The following KLHL29 variants were observed in gnomAD, a reference collection of about 807,000 sequenced individuals.
KLHL29 encodes kelch-like protein 29.
Under a neutral mutation model 80.4 loss-of-function variants are expected in KLHL29, and 21 were observed. The ratio of observed to expected loss-of-function variants is 0.26; its 90% CI spans 0.19 to 0.38. The LOEUF (loss-of-function observed/expected upper bound fraction) is 0.38, where lower values mean the gene tolerates loss of function less well. KLHL29 is among the 10% of genes least tolerant of loss of function. The pLI is 1.00. For missense variants in KLHL29, 867 were observed against 1,223.9 expected (o/e 0.71, Z 4.35); for synonymous variants, 511 against 526.8 (o/e 0.97, Z 0.41).
chr2:23,476,161 C>T (rs951167246), intron 2 of KLHL29, among the ~76,000 whole-genome samples: 1 of 152,130 alleles, frequency 6.6e-6, no homozygotes, highest in East Asian at 1.9e-4. Context: ...AGGCGTGAGC[C>T]ACCGTGCCCC....
chr2:23,701,708 C>A (rs113972097), intron 11 of KLHL29, among the ~76,000 whole-genome samples: 2 of 151,996 alleles, frequency 1.3e-5, no homozygotes, highest in East Asian at 3.9e-4. Context: ...CAGAGCAAGA[C>A]CCTGCCTCAA....
chr2:23,558,783 A>G (rs1667365134), intron 2 of KLHL29, among the ~76,000 whole-genome samples: 1 of 152,206 alleles, frequency 6.6e-6, no homozygotes, highest in African/African-American at 2.4e-5. Context: ...TGTGTCTGAG[A>G]TTTTCTCTTC....
chr2:23,440,335 G>T (rs2103414350), intron 1 of KLHL29, among the ~76,000 whole-genome samples: 1 of 151,724 alleles, frequency 6.6e-6, no homozygotes, highest in East Asian at 1.9e-4. Context: ...ATTCAAGATG[G>T]ATTAAAGACT....
At chr2:23,591,309 A>G (rs897985441) in intron 3 of KLHL29, among the ~76,000 whole-genome samples, 1 of 152,142 alleles carries the variant, frequency 6.6e-6, no homozygotes, top group Non-Finnish European at 1.5e-5. Flanking sequence ...ACAAGGAAAG[A>G]GCCAGGACAC....
At position 23,539,431 on chromosome 2, in the gene KLHL29, C is replaced by CTTTTTTTTTTTTTTTTTTTT. The variant is rs1666768797; in HGVS notation, c.-45-22721_-45-22720insTTTTTTTTTTTTTTTTTTTT. On this transcript the variant is annotated intron_variant, in intron 2 of 13. Coordinates refer to ENST00000486442, the MANE Select transcript of KLHL29 (RefSeq NM_052920.2). Reference sequence around the variant, plus strand: ...ATGCTTTGCTAGCCTTATCCTGCCTCCTTTTTTTTTTTTTTTTTTTTTTTT... The same window carrying CTTTTTTTTTTTTTTTTTTTT: ...ATGCTTTGCTAGCCTTATCCTGCCTCTTTTTTTTTTTTTTTTTTTTCTTTTTTTTTTTTTTTTTTTTTTTT... 4.2e-4 allele frequency among the ~76,000 whole-genome samples: 45 copies of CTTTTTTTTTTTTTTTTTTTT among 107,216 alleles called. 21 individuals carry two copies. The highest frequency in any genetic ancestry group is 4.3e-4 in the African/African-American group (12 of 28,106). 70.3% of individuals were successfully genotyped at this position (107,216 alleles called of 152,430 possible).
intron 2 of KLHL29, among the ~76,000 whole-genome samples, chr2:23,522,442 A>G (rs543280365): frequency 2.6e-4 from 40 of 152,066 alleles, no homozygotes; most frequent in African/African-American, 9.4e-4. Context: ...GAGCCACCAC[A>G]CCCAGCCTCT....
intron 5 of KLHL29, among the ~76,000 whole-genome samples, chr2:23,662,721 G>A (rs1334100051): frequency 1.3e-5 from 2 of 152,082 alleles, no homozygotes; most frequent in African/African-American, 2.4e-5. Flanking sequence ...CTCACCTCCC[G>A]AGCCACCTCT....
At chr2:23,641,108 T>C (rs1669757340) in intron 4 of KLHL29, among the ~76,000 whole-genome samples, 1 of 152,116 alleles carries the variant, frequency 6.6e-6, no homozygotes, top group Non-Finnish European at 1.5e-5. Flanking sequence ...CATGGAGACC[T>C]GGACCCAGGC....
At position 23,684,737 on chromosome 2, in the gene KLHL29, CG is replaced by C. The variant is rs1558438504; in HGVS notation, c.1079+201del. ...CAGAGCAGCCACTGCGCCCAGCACC[CG>C]CCCCCACCCACAGCTTTGCTGTCAC... On this transcript the variant is annotated intron_variant, in intron 6 of 13. Coordinates refer to ENST00000486442, the MANE Select transcript of KLHL29 (RefSeq NM_052920.2). This position sits in a 1 kb window ranked among gnomAD's most constrained non-coding sequence, Gnocchi z 4.4. Among the ~76,000 whole-genome samples, 2 of 152,188 alleles carry C rather than the reference CG, an allele frequency of 1.3e-5. No individual in the cohort carries two copies. Among genetic ancestry groups the C allele is most frequent in the Non-Finnish European group, 2.9e-5 (2 of 68,034 alleles).
intron 3 of KLHL29, among the ~76,000 whole-genome samples, chr2:23,602,240 T>C (rs989697940): frequency 6.6e-6 from 1 of 152,228 alleles, no homozygotes; most frequent in Non-Finnish European, 1.5e-5. Context: ...ACGTCGTTCC[T>C]GTGCCTCCCA....
At chr2:23,591,650 A>G (rs1668263806) in intron 3 of KLHL29, among the ~76,000 whole-genome samples, 1 of 152,074 alleles carries the variant, frequency 6.6e-6, no homozygotes, top group Admixed American at 6.5e-5. Context: ...CGTGCTGGCC[A>G]AGGTCCTCGC....
At chr2:23,665,630 C>G (rs999425761) in intron 5 of KLHL29, among the ~76,000 whole-genome samples, 5 of 152,196 alleles carry the variant, frequency 3.3e-5, no homozygotes, top group Non-Finnish European at 5.9e-5. Context: ...GGAAGCATGG[C>G]ACCAGCATCT....
chr2:23,474,044 C>T (rs940890739), intron 1 of KLHL29, among the ~76,000 whole-genome samples: 3 of 152,152 alleles, frequency 2.0e-5, no homozygotes, highest in African/African-American at 4.8e-5. Flanking sequence ...ACAACATGCA[C>T]CCTACCCTGC....
chr2:23,392,773 G>T (rs1283137168), intron 1 of KLHL29, among the ~76,000 whole-genome samples: 3 of 152,172 alleles, frequency 2.0e-5, no homozygotes, highest in African/African-American at 7.2e-5. Context: ...ATGCGCCTAT[G>T]TCTTTGTTTT....
chr2:23,683,263 C>G (rs72796114), intron 5 of KLHL29, among the ~76,000 whole-genome samples: 15,391 of 152,310 alleles, frequency 0.1, 877 homozygotes, highest in Middle Eastern at 0.17. Context: ...AGGCCACCCT[C>G]TCCCACACAC....
intron 2 of KLHL29, among the ~76,000 whole-genome samples, chr2:23,499,569 A>T (rs183906205): frequency 1.3e-5 from 2 of 152,312 alleles, no homozygotes; most frequent in East Asian, 1.9e-4. Flanking sequence ...CAGCAATTGC[A>T]CTTCTCAGAG....
Position 23,607,988 on chromosome 2 carries a change from A to G in KLHL29, c.286-31151A>G, listed in dbSNP as rs114871684. Among the ~76,000 whole-genome samples the G allele has an allele frequency of 5.9e-3, 800 of 134,520 alleles. 6 individuals are homozygous for G. Among genetic ancestry groups the G allele is most frequent in the African/African-American group, 0.021 (765 of 36,532 alleles). 88.3% of individuals were successfully genotyped at this position (134,520 alleles called of 152,430 possible). On this transcript the variant is annotated intron_variant, in intron 3 of 13. Coordinates refer to ENST00000486442, the MANE Select transcript of KLHL29 (RefSeq NM_052920.2). ...CAATTTATATGTTTAGTCACTTTAG[A>G]TTCTCTCACACTCATCTCTTTCTAG...
chr2:23,509,396 C>CTG (rs1156599191), intron 2 of KLHL29, among the ~76,000 whole-genome samples: 1 of 152,088 alleles, frequency 6.6e-6, no homozygotes, highest in Non-Finnish European at 1.5e-5. Context: ...TTGCCTTACT[C>CTG]TGTGTGTGTG....
intron 5 of KLHL29, among the ~76,000 whole-genome samples, chr2:23,649,543 C>G (rs1572465774): frequency 6.6e-6 from 1 of 152,184 alleles, no homozygotes; most frequent in East Asian, 1.9e-4. Flanking sequence ...AGGAGGTGAC[C>G]CCTGGCTGCC....
Sources: gnomAD v4.1 joint callset for allele counts (sites outside exome capture counted in the v4.1 genomes callset) on GRCh38, gnomAD v4.1.1 for gene constraint, Gnocchi (gnomAD v3.1) non-coding constraint, MANE v1.5 for transcripts, NCBI Gene and HGNC (gene_info 2026-07-23, HGNC 2026-07-21) for gene names.